The following GRIN2B variants were observed in gnomAD, a reference collection of about 807,000 sequenced individuals.
GRIN2B encodes the protein glutamate receptor ionotropic, NMDA 2B.
A neutral mutation model predicts 114.5 loss-of-function variants in GRIN2B; 5 were observed. The observed-to-expected ratio is 0.04, with a 90% CI of 0.02 to 0.09. The LOEUF is 0.09. Ranked by LOEUF, GRIN2B falls within the 10% of genes least tolerant of loss-of-function variation. GRIN2B has a pLI of 1.00. For synonymous variants in GRIN2B, 787 were observed against 745.1 expected, an observed-to-expected ratio of 1.06 and a Z score of -0.92; for missense variants, 1,108 against 1,943.5, an observed-to-expected ratio of 0.57 and a Z score of 8.08.
chr12:13,686,187 T>C (rs1328784982), intron 4 of GRIN2B, among the ~76,000 whole-genome samples: 1 of 152,032 alleles, frequency 6.6e-6, no homozygotes, highest in Non-Finnish European at 1.5e-5. Flanking sequence ...AATAAAGAGG[T>C]TGGGGAAGAT....
At chr12:13,597,289 G>T (rs1949086500) in intron 10 of GRIN2B, among the ~76,000 whole-genome samples, 1 of 152,162 alleles carries the variant, frequency 6.6e-6, no homozygotes, top group South Asian at 2.1e-4. Context: ...ACTTCCCAAA[G>T]CTGGATCAAA....
chr12:13,607,923 C>A (rs960097440), intron 10 of GRIN2B, among the ~76,000 whole-genome samples: 1 of 152,130 alleles, frequency 6.6e-6, no homozygotes, highest in Admixed American at 6.6e-5. Flanking sequence ...ATGCTTCAGG[C>A]AGACTGGAGG....
intron 3 of GRIN2B, among the ~76,000 whole-genome samples, chr12:13,764,428 C>A (rs1025749915): frequency 2.6e-5 from 4 of 152,070 alleles, no homozygotes; most frequent in Non-Finnish European, 5.9e-5. Context: ...AGATAAAGAC[C>A]CCAACGGAAT....
In GRIN2B at chr12:13,570,487, G is replaced by A. The variant is rs537805363; in HGVS notation, c.2172-470C>T. 2.6e-5 allele frequency among the ~76,000 whole-genome samples: 4 copies of A among 152,286 alleles called. No homozygotes were observed. In the East Asian group the frequency reaches 5.8e-4, roughly 22 times the overall value. On this transcript the variant is annotated intron_variant, in intron 11 of 13. Transcript: ENST00000609686. ...CAATGCTATTTTTGTGGTCAGGAAG[G>A]TTCCAGTATTCTGTTGTGCAACACA...
At chr12:13,751,079 G>A (rs977242997) in intron 4 of GRIN2B, among the ~76,000 whole-genome samples, 6 of 152,182 alleles carry the variant, frequency 3.9e-5, no homozygotes, top group Admixed American at 6.5e-5. Context: ...GAAGGGGCAC[G>A]CTGGAGAGTA....
At chr12:13,619,130 A>G (rs1949485055) in intron 5 of GRIN2B, among the ~76,000 whole-genome samples, 1 of 152,216 alleles carries the variant, frequency 6.6e-6, no homozygotes, top group South Asian at 2.1e-4. Context: ...TGCAGACAAC[A>G]GAAAACTAGA....
intron 3 of GRIN2B, among the ~76,000 whole-genome samples, chr12:13,808,751 A>AT (rs1565545436): frequency 8.7e-5 from 11 of 126,792 alleles, no homozygotes; most frequent in South Asian, 5.2e-4. Context: ...AATAAAAAAA[A>AT]AATATATATA....
chr12:13,606,809 T>G (rs889844745), intron 10 of GRIN2B, among the ~76,000 whole-genome samples: 2 of 151,952 alleles, frequency 1.3e-5, no homozygotes, highest in Non-Finnish European at 2.9e-5. Context: ...GAGAGGGGTT[T>G]AAAAATGGGT....
chr12:13,750,565 C>T (rs1863466271), intron 4 of GRIN2B, among the ~76,000 whole-genome samples: 2 of 152,200 alleles, frequency 1.3e-5, no homozygotes, highest in African/African-American at 4.8e-5. Flanking sequence ...TCACTGTTAG[C>T]TTTGGTTGTA....
At chr12:13,676,476 G>T (rs978039076) in intron 4 of GRIN2B, among the ~76,000 whole-genome samples, 1 of 152,072 alleles carries the variant, frequency 6.6e-6, no homozygotes, top group Non-Finnish European at 1.5e-5. Flanking sequence ...TTAATAAAGG[G>T]ACCTACTTCA....
intron 3 of GRIN2B, among the ~76,000 whole-genome samples, chr12:13,757,036 C>T (rs994313309): frequency 6.6e-6 from 1 of 152,162 alleles, no homozygotes; most frequent in Non-Finnish European, 1.5e-5. Flanking sequence ...CTTACCGTAC[C>T]TTCTAGTTCT....
intron 2 of GRIN2B, among the ~76,000 whole-genome samples, chr12:13,940,540 A>C (rs1867224840): frequency 6.6e-6 from 1 of 152,130 alleles, no homozygotes; most frequent in African/African-American, 2.4e-5. Context: ...TGAGGGTAAT[A>C]CAAGGGGTGT....
intron 3 of GRIN2B, among the ~76,000 whole-genome samples, chr12:13,776,659 A>G (rs1229389742): frequency 6.6e-6 from 1 of 152,180 alleles, no homozygotes; most frequent in East Asian, 1.9e-4. Context: ...TTAATACTAA[A>G]GCAAGTGTGT....
intron 2 of GRIN2B, among the ~76,000 whole-genome samples, chr12:13,968,431 T>A (rs1867824836): frequency 6.6e-6 from 1 of 152,110 alleles, no homozygotes; most frequent in Non-Finnish European, 1.5e-5. Context: ...ATTTTACAGA[T>A]GAGGAAGTGA....
intron 3 of GRIN2B, among the ~76,000 whole-genome samples, chr12:13,824,355 TTCTG>T (rs1364866692): frequency 6.6e-6 from 1 of 152,134 alleles, no homozygotes; most frequent in Non-Finnish European, 1.5e-5. Context: ...TTTCGTAGTT[TTCTG>T]TCTCTCAAGG....
At chr12:13,619,998 C>T (rs1191159135) in intron 5 of GRIN2B, among the ~76,000 whole-genome samples, 1 of 152,140 alleles carries the variant, frequency 6.6e-6, no homozygotes. Context: ...CTCTAATATC[C>T]ACTATCCATT....
intron 3 of GRIN2B, among the ~76,000 whole-genome samples, chr12:13,863,962 G>C (rs546303440): frequency 1.3e-5 from 2 of 152,186 alleles, no homozygotes; most frequent in South Asian, 4.1e-4. Context: ...AATTGCCACT[G>C]TTAAAATAAA....
At chr12:13,577,250 G>C (rs1361604355) in intron 10 of GRIN2B, among the ~76,000 whole-genome samples, 1 of 152,208 alleles carries the variant, frequency 6.6e-6, no homozygotes, top group Non-Finnish European at 1.5e-5. Flanking sequence ...TCCAGCAATT[G>C]CTTGTGAGCA....
chr12:13,652,733 G>C (rs182829828), intron 5 of GRIN2B, among the ~76,000 whole-genome samples: 1 of 152,258 alleles, frequency 6.6e-6, no homozygotes, highest in East Asian at 1.9e-4. Context: ...AAGGCAAAGA[G>C]AGTCAAAGGT....
Sources: gnomAD v4.1 joint callset for allele counts (sites outside exome capture counted in the v4.1 genomes callset) on GRCh38, gnomAD v4.1.1 for gene constraint, MANE v1.5 for transcripts, NCBI Gene and HGNC (gene_info 2026-07-23, HGNC 2026-07-21) for gene names.